The following PATJ variants were observed in gnomAD, a reference collection of about 807,000 sequenced individuals.
The protein encoded by PATJ is PATJ crumbs cell polarity complex component.
A neutral mutation model predicts 224.9 loss-of-function variants in PATJ; 190 were observed. The ratio of observed to expected loss-of-function variants is 0.84; its 90% confidence interval spans 0.75 to 0.95. The LOEUF (loss-of-function observed/expected upper bound fraction) is 0.95. Among genes scored for constraint, PATJ ranks in the 40% least tolerant of loss-of-function variants. The pLI, the probability that PATJ is intolerant of heterozygous loss-of-function variation, is 0.00. For synonymous variants in PATJ, 769 were observed against 820.3 expected (o/e 0.94, Z 1.07); for missense variants, 2,121 against 2,270.3 (o/e 0.93, Z 1.34).
In PATJ at chr1:61,787,960, G is replaced by T; in HGVS notation, c.1056G>T (p.Lys352Asn). ...LPVALPTVAS[K>N]GPGSDSSLFE... ...TTGCCCTGCCTACTGTAGCCAGCAA[G>T]GGCCCTGGTTCTGTGAGTATACATA... The change falls in exon 8 of 44, where the codon AAG becomes AAT. Residue 352 changes from lysine (K) to asparagine (N), a missense_variant. By Grantham distance (94) the Lys-to-Asn change is moderately conservative. Transcript: ENST00000642238. 2 of 1,612,918 alleles carry T rather than the reference G, an allele frequency of 1.2e-6. No homozygotes were observed.
chr1:61,859,173 GT>G (rs1328638060), intron 18 of PATJ, among the ~76,000 whole-genome samples: 1 of 152,188 alleles, frequency 6.6e-6, no homozygotes, highest in East Asian at 1.9e-4. Flanking sequence ...CCTTCAAGCA[GT>G]TTTAGGAAGT....
At chr1:62,016,526 A>G (rs563532083) in intron 28 of PATJ, among the ~76,000 whole-genome samples, 4 of 152,326 alleles carry the variant, frequency 2.6e-5, no homozygotes, top group Admixed American at 2.6e-4. Context: ...TTTTAAAGAG[A>G]TAGAAGGAAA....
chr1:61,796,658 TTTTCTTTCTTTC>T (rs202216894), intron 10 of PATJ, among the ~76,000 whole-genome samples: 92 of 103,662 alleles, frequency 8.9e-4, no homozygotes, highest in South Asian at 1.6e-3. Context: ...TCTAAATTTA[TTTTCTTTCTTTC>T]TTTCTTTCTT....
chr1:62,125,263 A>AGC (rs1491053729), intron 39 of PATJ, among the ~76,000 whole-genome samples: 1 of 62,944 alleles, frequency 1.6e-5, no homozygotes, highest in African/African-American at 4.7e-5. Flanking sequence ...ACAAAAAAAA[A>AGC]CAAAAAAAAA....
chr1:61,844,959 C>T (rs1024502101), intron 17 of PATJ, among the ~76,000 whole-genome samples: 12 of 152,098 alleles, frequency 7.9e-5, no homozygotes, highest in Admixed American at 7.9e-4. Flanking sequence ...AATTAAACCT[C>T]CTTTCTTTTA....
intron 1 of PATJ, among the ~76,000 whole-genome samples, chr1:61,748,509 G>A (rs1395826219): frequency 6.6e-6 from 1 of 151,798 alleles, no homozygotes; most frequent in Non-Finnish European, 1.5e-5. Context: ...GCCCGCCTCA[G>A]CCTCCCAAAG....
intron 7 of PATJ, among the ~76,000 whole-genome samples, chr1:61,779,847 T>C (rs1393248413): frequency 6.6e-6 from 1 of 152,158 alleles, no homozygotes; most frequent in Non-Finnish European, 1.5e-5. Context: ...GCTGCTTCCA[T>C]GGTGGAAGGT....
chr1:61,757,819 T>C (rs925466176), intron 1 of PATJ, among the ~76,000 whole-genome samples: 1 of 152,192 alleles, frequency 6.6e-6, no homozygotes. Context: ...ACTATCTTTC[T>C]AAATCTCTTT....
At chr1:62,149,172 T>G (rs1026595617) in intron 42 of PATJ, among the ~76,000 whole-genome samples, 1 of 77,094 alleles carries the variant, frequency 1.3e-5, no homozygotes, top group South Asian at 4.1e-4. Flanking sequence ...GGAGCATGTT[T>G]AAAGATGCGA....
intron 14 of PATJ, among the ~76,000 whole-genome samples, chr1:61,820,786 T>A (rs1046515915): frequency 2.0e-5 from 3 of 152,198 alleles, no homozygotes; most frequent in African/African-American, 7.2e-5. Flanking sequence ...CTATGGTGGA[T>A]CCACTGGCAA....
At chr1:62,011,297 T>C (rs1646432602) in intron 28 of PATJ, among the ~76,000 whole-genome samples, 1 of 152,234 alleles carries the variant, frequency 6.6e-6, no homozygotes. Context: ...CATTTCTAGC[T>C]TTTGATTTAA....
intron 10 of PATJ, among the ~76,000 whole-genome samples, chr1:61,796,741 T>TTTCTTTTTC (rs373367263): frequency 4.4e-5 from 2 of 45,844 alleles, no homozygotes; most frequent in East Asian, 1.1e-3. Flanking sequence ...TCTTTCTTTC[T>TTTCTTTTTC]TTTTTTTCTT....
intron 17 of PATJ, chr1:61,846,125 T>G (rs916015055): frequency 6.6e-6 from 1 of 152,146 alleles, no homozygotes; most frequent in Non-Finnish European, 1.5e-5. Flanking sequence ...AATGTTAATA[T>G]AATAATAATG....
At chr1:61,940,570 G>C in intron 27 of PATJ, among the ~76,000 whole-genome samples, 1 of 151,968 alleles carries the variant, frequency 6.6e-6, no homozygotes, top group East Asian at 1.9e-4. Context: ...CAAAAAATCA[G>C]CTGGGTGTGG....
At chr1:61,771,684 G>A (rs1378865217) in intron 6 of PATJ, 58 bp downstream of exon 6, 21 of 1,234,724 alleles carry the variant, frequency 1.7e-5, no homozygotes, top group Non-Finnish European at 2.2e-5. Context: ...ATCGTAAGAA[G>A]TGTAAAGACA....
chr1:61,958,975 G>A (rs1325496088), intron 27 of PATJ, among the ~76,000 whole-genome samples: 3 of 152,114 alleles, frequency 2.0e-5, no homozygotes, highest in African/African-American at 7.2e-5. Flanking sequence ...CCTTTAGCCT[G>A]GAATCTGTCA....
chr1:62,100,889 T>C (rs1293312642), intron 33 of PATJ, among the ~76,000 whole-genome samples: 2 of 152,136 alleles, frequency 1.3e-5, no homozygotes, highest in African/African-American at 4.8e-5. Context: ...ACTTACGTAG[T>C]GGTGACTCAC....
rs1661112974 is a variant in PATJ at position 62,094,220 on chromosome 1, C to A, written c.4377+9572C>A. Among the ~76,000 whole-genome samples, 3 of 152,064 alleles carry A rather than the reference C, an allele frequency of 2.0e-5. No homozygotes were observed. The South Asian group carries it at 6.3e-4, about 32-fold the overall frequency. On this transcript the variant is annotated intron_variant, in intron 33 of 43. Coordinates refer to ENST00000642238, the MANE Select transcript of PATJ (RefSeq NM_001350145.3). The stretch of plus-strand genomic sequence containing the variant: ...GACCAGTTCCGGCAACATAGTAAGA[C>A]CCTGTCTCTACAAAAAATTAAAAAT...
intron 31 of PATJ, among the ~76,000 whole-genome samples, chr1:62,056,607 C>T (rs1654586370): frequency 1.3e-5 from 2 of 152,052 alleles, no homozygotes; most frequent in African/African-American, 2.4e-5. Flanking sequence ...ATGGCGAAAC[C>T]CCGTTCCTAT....
Sources: allele counts gnomAD v4.1 joint callset (sites outside exome capture counted in the v4.1 genomes callset), GRCh38; gene constraint gnomAD v4.1.1; transcripts MANE v1.5; gene names NCBI Gene and HGNC (gene_info 2026-07-23, HGNC 2026-07-21).